The following FSHR variants were observed in gnomAD, a reference collection of about 807,000 sequenced individuals.
FSHR encodes the protein follicle-stimulating hormone receptor.
A neutral mutation model predicts 52.1 loss-of-function variants in FSHR; 46 were observed. The ratio of observed to expected loss-of-function variants is 0.88; its 90% CI spans 0.70 to 1.13. FSHR has a LOEUF of 1.13. Among genes scored for constraint, FSHR ranks in the 50% most tolerant of loss-of-function variants. The probability of loss-of-function intolerance (pLI) is 0.00; values close to 1 mark genes in which losing one functional copy is unlikely to be tolerated. For synonymous variants in FSHR, 399 were observed against 309.6 expected (o/e 1.29, Z -3.03); for missense variants, 964 against 834.6 (o/e 1.16, Z -1.91).
chr2:49,130,872 T>A (rs1672238928), intron 1 of FSHR, among the ~76,000 whole-genome samples: 1 of 152,016 alleles, frequency 6.6e-6, no homozygotes, highest in African/African-American at 2.4e-5. Context: ...TCAACTTAGG[T>A]AAAAACAAGA....
chr2:49,021,878 T>TATACATAC (rs1240704565), intron 2 of FSHR, among the ~76,000 whole-genome samples: 5 of 60,832 alleles, frequency 8.2e-5, no homozygotes, highest in African/African-American at 3.5e-4. Context: ...TATATATATA[T>TATACATAC]ATATATATAG....
intron 1 of FSHR, among the ~76,000 whole-genome samples, chr2:49,112,287 C>G (rs1281460936): frequency 6.6e-6 from 1 of 151,944 alleles, no homozygotes; most frequent in Admixed American, 6.6e-5. Flanking sequence ...CCATTTTTTT[C>G]CCTAGTAGAA....
intron 2 of FSHR, among the ~76,000 whole-genome samples, chr2:49,054,531 G>C (rs1419982578): frequency 6.6e-6 from 1 of 152,180 alleles, no homozygotes; most frequent in Non-Finnish European, 1.5e-5. Flanking sequence ...GGGCCTGAGA[G>C]ATAGCCCCAG....
At chr2:49,118,958 C>T (rs975361781) in intron 1 of FSHR, among the ~76,000 whole-genome samples, 1 of 151,624 alleles carries the variant, frequency 6.6e-6, no homozygotes, top group Non-Finnish European at 1.5e-5. Flanking sequence ...CAATAACTGT[C>T]TGTACTTTCA....
At chr2:49,069,766 T>C (rs1669662678) in intron 1 of FSHR, among the ~76,000 whole-genome samples, 1 of 152,144 alleles carries the variant, frequency 6.6e-6, no homozygotes, top group Non-Finnish European at 1.5e-5. Flanking sequence ...CCCAGCCTTC[T>C]TCTCTCTGGC....
chr2:49,017,419 T>TATCAAGTATCAAGTACAAAAAGCA, intron 4 of FSHR, 70 bp downstream of exon 4: 1 of 1,159,934 alleles, frequency 8.6e-7, no homozygotes, highest in African/African-American at 1.5e-5. Context: ...GAGTATCAAG[T>TATCAAGTATCAAGTACAAAAAGCA]AGGCCTTTTA....
At chr2:49,108,847 G>T (rs1671327280) in intron 1 of FSHR, among the ~76,000 whole-genome samples, 1 of 152,084 alleles carries the variant, frequency 6.6e-6, no homozygotes, top group South Asian at 2.1e-4. Context: ...ATCTAATTAG[G>T]TACGAGGCTT....
At chr2:49,056,865 A>C (rs1354129412) in intron 2 of FSHR, among the ~76,000 whole-genome samples, 2 of 152,162 alleles carry the variant, frequency 1.3e-5, no homozygotes. Flanking sequence ...CAAGAGAAAC[A>C]TTTGAAAGCA....
chr2:49,027,708 G>C (rs1667955809), intron 2 of FSHR, among the ~76,000 whole-genome samples: 1 of 152,156 alleles, frequency 6.6e-6, no homozygotes, highest in Non-Finnish European at 1.5e-5. Context: ...AAACTAGACA[G>C]GTTTGGTGGC....
chr2:48,982,641 A>G (rs532735473), intron 8 of FSHR, among the ~76,000 whole-genome samples: 9 of 152,314 alleles, frequency 5.9e-5, no homozygotes, highest in African/African-American at 2.2e-4. Flanking sequence ...GATTATAAGG[A>G]TTAAACAAGA....
chr2:48,993,621 C>A (rs1675884195), intron 4 of FSHR, among the ~76,000 whole-genome samples: 1 of 152,134 alleles, frequency 6.6e-6, no homozygotes, highest in African/African-American at 2.4e-5. Flanking sequence ...TTGTTTTACT[C>A]CTTTGCTGCT....
At chr2:48,983,968 A>G (rs530865400) in intron 6 of FSHR, among the ~76,000 whole-genome samples, 1 of 152,172 alleles carries the variant, frequency 6.6e-6, no homozygotes, top group South Asian at 2.1e-4. Flanking sequence ...TGGATCTGAA[A>G]ACAAAAACAG....
intron 8 of FSHR, among the ~76,000 whole-genome samples, chr2:48,974,289 A>G (rs1264049144): frequency 1.1e-4 from 17 of 152,212 alleles, no homozygotes; most frequent in Non-Finnish European, 2.5e-4. Flanking sequence ...ATTGACTTGA[A>G]TGCAATCCAG....
intron 1 of FSHR, among the ~76,000 whole-genome samples, chr2:49,134,901 T>A (rs1046610634): frequency 1.4e-4 from 21 of 151,818 alleles, no homozygotes; most frequent in Non-Finnish European, 2.1e-4. Flanking sequence ...AACATCACAC[T>A]CTGGGGACTG....
At chr2:49,143,965 C>G (rs1323000045) in intron 1 of FSHR, among the ~76,000 whole-genome samples, 1 of 152,098 alleles carries the variant, frequency 6.6e-6, no homozygotes, top group African/African-American at 2.4e-5. Flanking sequence ...TAAAAGGCAG[C>G]CAGACTTTCC....
At chr2:49,075,188 C>T (rs566923095) in intron 1 of FSHR, among the ~76,000 whole-genome samples, 20 of 152,192 alleles carry the variant, frequency 1.3e-4, no homozygotes, top group South Asian at 4.1e-4. Context: ...AGGATATTGA[C>T]GTTCCCAACA....
At chr2:48,983,331 G>A (rs1283280161) in intron 6 of FSHR, among the ~76,000 whole-genome samples, 165 bp from the exon 7 acceptor site, 1 of 152,164 alleles carries the variant, frequency 6.6e-6, no homozygotes. Flanking sequence ...CTGATTTATT[G>A]CTGTATAATC....
chr2:49,080,008 T>C (rs1670107324), intron 1 of FSHR, among the ~76,000 whole-genome samples: 1 of 151,728 alleles, frequency 6.6e-6, no homozygotes, highest in South Asian at 2.1e-4. Context: ...ATAAGAGAAA[T>C]ACAAACAACC....
At chr2:49,077,661 AT>A (rs888135205) in intron 1 of FSHR, among the ~76,000 whole-genome samples, 10 of 152,104 alleles carry the variant, frequency 6.6e-5, no homozygotes, top group African/African-American at 2.4e-4. Context: ...GGCTCTGATT[AT>A]TTTATAAAAC....
Sources: allele counts gnomAD v4.1 joint callset (sites outside exome capture counted in the v4.1 genomes callset), GRCh38; gene constraint gnomAD v4.1.1; transcripts MANE v1.5; gene names NCBI Gene and HGNC (gene_info 2026-07-23, HGNC 2026-07-21).